The following FOCAD variants were observed in gnomAD, a reference collection of about 807,000 sequenced individuals.
FOCAD encodes the protein focadhesin.
FOCAD carries 198 observed loss-of-function variants against 225.6 expected under a neutral mutation model. The observed-to-expected ratio is 0.88, with a 90% CI of 0.78 to 0.99. FOCAD has a LOEUF of 0.99. Ranked by LOEUF, FOCAD falls within the 50% of genes least tolerant of loss-of-function variation. FOCAD has a pLI of 0.00. For missense variants in FOCAD, 2,713 were observed against 2,123.6 expected (o/e 1.28, Z -5.46); for synonymous variants, 897 against 755.0 (o/e 1.19, Z -3.08).
chr9:20,838,118 ATTT>A (rs1388373980), intron 15 of FOCAD, among the ~76,000 whole-genome samples: 1 of 152,084 alleles, frequency 6.6e-6, no homozygotes, highest in Non-Finnish European at 1.5e-5. Context: ...AAAGGTGTTT[ATTT>A]TTAAGTTTAG....
chr9:20,768,138 A>G (rs1376525753), intron 7 of FOCAD, among the ~76,000 whole-genome samples: 54 of 148,458 alleles, frequency 3.6e-4, no homozygotes, highest in African/African-American at 1.3e-3. Context: ...ATAGTTGTAG[A>G]TATGCGGCGT....
At position 20,772,083 on chromosome 9, in the gene FOCAD, G is replaced by C. The variant is rs188590808; in HGVS notation, c.906+1845G>C. On this transcript the variant is annotated intron_variant, in intron 8 of 43. Transcript: ENST00000338382. Reference sequence around the variant, plus strand: ...AGGGCCTAATGAGGGAAATGGAAGTGGGAAAAGGGAGACATAGAAGACAGA... The same window carrying C: ...AGGGCCTAATGAGGGAAATGGAAGTCGGAAAAGGGAGACATAGAAGACAGA... 9.2e-5 allele frequency among the ~76,000 whole-genome samples: 14 copies of C among 152,320 alleles called. No individual in the cohort carries two copies. In the East Asian group the frequency reaches 2.1e-3, roughly 23 times the overall value.
chr9:20,772,195 T>C lies in FOCAD; in HGVS notation c.906+1957T>C, dbSNP rs17832243. ...CTTTCTATTTTGGGCTACTGGATGA[T>C]GCCATTCACTTTGAGAAATGGTAGC... On this transcript the variant is annotated intron_variant, in intron 8 of 43. Coordinates refer to ENST00000338382, the MANE Select transcript of FOCAD (RefSeq NM_001375567.1). Among the ~76,000 whole-genome samples the C allele has an allele frequency of 1.7e-3, 266 of 152,310 alleles. 3 individuals carry two copies. The East Asian group carries it at 0.043, about 25-fold the overall frequency.
intron 11 of FOCAD, among the ~76,000 whole-genome samples, chr9:20,799,899 G>A (rs1487799409): frequency 6.6e-6 from 1 of 152,086 alleles, no homozygotes; most frequent in Non-Finnish European, 1.5e-5. Flanking sequence ...TATGATGTTA[G>A]CTGGTTATTT....
intron 35 of FOCAD, among the ~76,000 whole-genome samples, chr9:20,960,910 A>G (rs1477637937): frequency 6.6e-6 from 1 of 152,098 alleles, no homozygotes; most frequent in Non-Finnish European, 1.5e-5. Flanking sequence ...ATGTCCCTAC[A>G]AAGGACATGA....
At chr9:20,959,856 A>T (rs1838541326) in intron 35 of FOCAD, among the ~76,000 whole-genome samples, 1 of 152,146 alleles carries the variant, frequency 6.6e-6, no homozygotes, top group South Asian at 2.1e-4. Flanking sequence ...TATATAGATT[A>T]ATTTCTGAGT....
chr9:20,986,015 A>G (rs1311916355), intron 39 of FOCAD, among the ~76,000 whole-genome samples: 1 of 152,074 alleles, frequency 6.6e-6, no homozygotes, highest in African/African-American at 2.4e-5. Context: ...TCATCATTTT[A>G]TTATTATTGT....
In FOCAD at chr9:20,758,259, G is replaced by A. The variant is rs910988150; in HGVS notation, c.494+68G>A. 6.5e-5 allele frequency: 75 copies of A among 1,161,048 alleles called. No homozygotes were observed. In the African/African-American group the frequency reaches 1.1e-3, roughly 16 times the overall value. 71.9% of individuals were successfully genotyped at this position (1,161,048 alleles called of 1,614,324 possible). ...ATGGTATATGCTAATTTTAGAGCTA[G>A]GGTTTTTTTTTGTTTGTTTGTTTCT... On this transcript the variant is annotated intron_variant, in intron 6 of 43. Transcript: ENST00000338382.
At chr9:20,895,686 C>T (rs1832019847) in intron 21 of FOCAD, among the ~76,000 whole-genome samples, 1 of 151,516 alleles carries the variant, frequency 6.6e-6, no homozygotes, top group African/African-American at 2.4e-5. Flanking sequence ...TCATTGCTGT[C>T]ATATAGGAAA....
At chr9:20,833,780 A>T (rs1378987779) in intron 15 of FOCAD, among the ~76,000 whole-genome samples, 2 of 152,124 alleles carry the variant, frequency 1.3e-5, no homozygotes, top group Non-Finnish European at 2.9e-5. Context: ...ACACATAGAA[A>T]AATGTCAGCA....
intron 1 of FOCAD, among the ~76,000 whole-genome samples, chr9:20,699,888 TAAAC>T (rs774930810): frequency 1.4e-3 from 203 of 144,612 alleles, no homozygotes; most frequent in Non-Finnish European, 1.9e-3. Context: ...ATAAAATTCT[TAAAC>T]TAACTTTATC....
chr9:20,763,155 A>G (rs1829761713), intron 6 of FOCAD, among the ~76,000 whole-genome samples: 1 of 152,220 alleles, frequency 6.6e-6, no homozygotes, highest in Non-Finnish European at 1.5e-5. Context: ...TTGCATGCTC[A>G]TTATAAAACT....
intron 35 of FOCAD, among the ~76,000 whole-genome samples, chr9:20,961,165 C>CCTCCGCTCCCCTCCT (rs1436092231): frequency 2.1e-4 from 32 of 151,644 alleles, no homozygotes; most frequent in African/African-American, 6.8e-4. Flanking sequence ...CCTCCCCTCC[C>CCTCCGCTCCCCTCCT]CTCCGCTCCC....
intron 27 of FOCAD, among the ~76,000 whole-genome samples, chr9:20,930,338 A>G (rs1212380490): frequency 6.6e-6 from 1 of 152,212 alleles, no homozygotes; most frequent in African/African-American, 2.4e-5. Flanking sequence ...AGAATTTTAT[A>G]TATCTACATT....
chr9:20,846,892 C>T (rs1827170139), intron 15 of FOCAD, among the ~76,000 whole-genome samples: 1 of 152,090 alleles, frequency 6.6e-6, no homozygotes, highest in Non-Finnish European at 1.5e-5. Flanking sequence ...TAAACATCTT[C>T]ACAGTAACTT....
chr9:20,922,433 G>A (rs1010715340), intron 24 of FOCAD, among the ~76,000 whole-genome samples: 1 of 152,148 alleles, frequency 6.6e-6, no homozygotes, highest in Non-Finnish European at 1.5e-5. Flanking sequence ...AAGGAAGGAT[G>A]GGCGAATAGA....
At chr9:20,738,732 C>T (rs1028139969) in intron 4 of FOCAD, among the ~76,000 whole-genome samples, 1 of 152,190 alleles carries the variant, frequency 6.6e-6, no homozygotes, top group African/African-American at 2.4e-5. Flanking sequence ...GTGTCTACAG[C>T]AGTGCTGTGA....
chr9:20,975,915 G>T (rs1840187592), intron 35 of FOCAD, among the ~76,000 whole-genome samples: 1 of 152,138 alleles, frequency 6.6e-6, no homozygotes, highest in Admixed American at 6.6e-5. Flanking sequence ...AAGAGAAGGA[G>T]GATGGGGCAA....
intron 26 of FOCAD, chr9:20,928,798 C>A (rs1162476832): frequency 6.6e-6 from 1 of 152,188 alleles, no homozygotes; most frequent in Non-Finnish European, 1.5e-5. Flanking sequence ...AGGAAATAAT[C>A]CATCTACTGG....
Sources: allele counts gnomAD v4.1 joint callset (sites outside exome capture counted in the v4.1 genomes callset), GRCh38; gene constraint gnomAD v4.1.1; transcripts MANE v1.5; gene names NCBI Gene and HGNC (gene_info 2026-07-23, HGNC 2026-07-21).